The following CCNH variants were observed in gnomAD, a reference collection of about 807,000 sequenced individuals.
CCNH encodes the protein cyclin H, also known as cyclin-H.
Under a neutral mutation model 41.9 loss-of-function variants are expected in CCNH, and 31 were observed. The observed-to-expected ratio is 0.74, with a 90% confidence interval of 0.56 to 1.00. CCNH has a LOEUF of 1.00. CCNH is among the 50% of genes least tolerant of loss of function. CCNH has a pLI of 0.00. For missense variants in CCNH, 362 were observed against 388.4 expected (o/e 0.93, Z 0.57); for synonymous variants, 138 against 136.1 (o/e 1.01, Z -0.10).
In CCNH at chr5:87,356,003, G is replaced by C. The variant is rs575537605; in HGVS notation, c.*90+36767C>G. ...AACTGGAGCGAAAGAGGAGTTGCTT[G>C]TTACGGATGAGAAAAGAAAGTGGTC... On this transcript the variant is annotated intron_variant and NMD_transcript_variant, in intron 9 of 9. Transcript: ENST00000645953. 3.9e-5 allele frequency among the ~76,000 whole-genome samples: 6 copies of C among 152,336 alleles called. No individual in the cohort carries two copies. The East Asian group carries it at 7.7e-4, about 20-fold the overall frequency.
chr5:87,384,954 C>CATA (rs1289740638), intron 9 of CCNH, among the ~76,000 whole-genome samples: 2 of 151,974 alleles, frequency 1.3e-5, no homozygotes, highest in African/African-American at 4.8e-5. Context: ...TGTGAACTGT[C>CATA]ATAAAAGATG....
chr5:87,350,340 A>T (rs1759170624), intron 9 of CCNH, among the ~76,000 whole-genome samples: 1 of 151,804 alleles, frequency 6.6e-6, no homozygotes, highest in Admixed American at 6.6e-5. Context: ...CACTGAAAAT[A>T]CAGCTAGCTG....
chr5:87,384,826 GCAGAGGTCC>G (rs1176697315), intron 9 of CCNH, among the ~76,000 whole-genome samples: 1 of 152,040 alleles, frequency 6.6e-6, no homozygotes, highest in African/African-American at 2.4e-5. Flanking sequence ...TCAAAATAAA[GCAGAGGTCC>G]TAGACTTTAT....
rs1200398365 is a variant in CCNH, at chr5:87,359,361, G to A, written c.*90+33409C>T. On this transcript the variant is annotated intron_variant and NMD_transcript_variant, in intron 9 of 9. Coordinates refer to the CCNH transcript ENST00000645953. ...GAACTATCTCTCAGGCTGAGAAAAG[G>A]AACACGTAGAGAAGCCTTTCTCCTC... is the stretch of plus-strand genomic sequence containing the variant. Among the ~76,000 whole-genome samples, 3 of 152,146 alleles carry A rather than the reference G, an allele frequency of 2.0e-5. No individual in the cohort carries two copies. The East Asian group carries it at 5.8e-4, about 29-fold the overall frequency.
intron 9 of CCNH, among the ~76,000 whole-genome samples, chr5:87,357,738 T>C (rs1045304179): frequency 6.6e-6 from 1 of 152,118 alleles, no homozygotes; most frequent in African/African-American, 2.4e-5. Context: ...ATGTGGCATC[T>C]AATAAACTTG....
At chr5:87,319,181 G>GGCTGGCATTGAGTGCCTGCAACTTTT (rs1756582329) in intron 9 of CCNH, among the ~76,000 whole-genome samples, 1 of 152,206 alleles carries the variant, frequency 6.6e-6, no homozygotes, top group Non-Finnish European at 1.5e-5. Context: ...TGCTTTAATG[G>GGCTGGCATTGAGTGCCTGCAACTTTT]GCTGGCATTG....
chr5:87,404,495 C>T (rs924529902), intron 5 of CCNH, among the ~76,000 whole-genome samples: 4 of 152,130 alleles, frequency 2.6e-5, no homozygotes, highest in Admixed American at 6.5e-5. Context: ...TTAACTTCCG[C>T]GTGTCATACA....
intron 9 of CCNH, among the ~76,000 whole-genome samples, chr5:87,359,273 G>A (rs1329494583): frequency 1.3e-5 from 2 of 152,136 alleles, no homozygotes; most frequent in African/African-American, 2.4e-5. Context: ...TTGGTTCAAT[G>A]GCTGTTAGAC....
chr5:87,401,785 A>G lies in CCNH; in HGVS notation c.690-13T>C. Reference sequence around the variant, plus strand: ...CTCTGATAAATAACTAGTAAAGAAAAGAAAAAAAAATCTATTGAAAACATA... The same window carrying G: ...CTCTGATAAATAACTAGTAAAGAAAGGAAAAAAAAATCTATTGAAAACATA... On this transcript the variant is annotated splice_polypyrimidine_tract_variant and intron_variant, in intron 5 of 8. Coordinates refer to ENST00000256897, the MANE Select transcript of CCNH (RefSeq NM_001239.4). 6.6e-7 allele frequency: 1 copy of G among 1,508,828 alleles called. No homozygotes were observed. The highest frequency in any genetic ancestry group is 1.7e-4 in the Middle Eastern group (1 of 5,792). 93.5% of individuals were successfully genotyped at this position (1,508,828 alleles called of 1,614,324 possible).
At chr5:87,388,229 A>C (rs1762202981), downstream of CCNH, among the ~76,000 whole-genome samples, 1 of 152,162 alleles carries the variant, frequency 6.6e-6, no homozygotes, top group African/African-American at 2.4e-5. Context: ...TTAATCACTG[A>C]ATGTATTCTG....
downstream of CCNH, chr5:87,390,993 C>G (rs767426567): frequency 8.4e-5 from 91 of 1,086,954 alleles, no homozygotes; most frequent in Non-Finnish European, 1.2e-4. Flanking sequence ...TTTCCACATT[C>G]CAGTGATGTG....
At chr5:87,402,292 T>C (rs1217003194) in intron 5 of CCNH, among the ~76,000 whole-genome samples, 1 of 152,236 alleles carries the variant, frequency 6.6e-6, no homozygotes, top group Non-Finnish European at 1.5e-5. Flanking sequence ...TAATGCTTTA[T>C]AAATCTATTG....
intron 9 of CCNH, chr5:87,369,979 C>T (rs1003549600): frequency 3.9e-5 from 47 of 1,192,694 alleles, no homozygotes; most frequent in Admixed American, 2.0e-4. Context: ...AGAAAATGAT[C>T]GCATTCAAGA....
chr5:87,322,559 C>A (rs1756907747), intron 9 of CCNH, among the ~76,000 whole-genome samples: 1 of 152,144 alleles, frequency 6.6e-6, no homozygotes, highest in South Asian at 2.1e-4. Context: ...CTTGCTCTCT[C>A]TGGTCATGTG....
At chr5:87,331,381 A>G (rs1334010928) in intron 9 of CCNH, 2 of 1,612,654 alleles carry the variant, frequency 1.2e-6, no homozygotes, top group South Asian at 1.1e-5. Context: ...GAACGATAGC[A>G]GAAGAACGCC....
At chr5:87,336,958 A>T (rs933908824) in intron 9 of CCNH, among the ~76,000 whole-genome samples, 3 of 152,090 alleles carry the variant, frequency 2.0e-5, no homozygotes, top group African/African-American at 4.8e-5. Flanking sequence ...CCAAGATACA[A>T]TGAAGCTTGA....
chr5:87,399,881 C>T lies in CCNH; in HGVS notation c.761-376G>A, dbSNP rs371618231. 3.7e-4 allele frequency among the ~76,000 whole-genome samples: 57 copies of T among 152,240 alleles called. 1 individual carries two copies. The East Asian group carries it at 6.0e-3, about 16-fold the overall frequency. ...TATCACCAACCATCTTCGTAGTATT[C>T]TATTCCATAGACAGTGGGCCAAGCA... is the stretch of plus-strand genomic sequence containing the variant. On this transcript the variant is annotated intron_variant, in intron 6 of 8. Coordinates refer to ENST00000256897, the MANE Select transcript of CCNH (RefSeq NM_001239.4).
chr5:87,337,711 A>G (rs1758073452), intron 9 of CCNH, among the ~76,000 whole-genome samples: 1 of 152,090 alleles, frequency 6.6e-6, no homozygotes, highest in Non-Finnish European at 1.5e-5. Flanking sequence ...TGAATCTAAC[A>G]ATAATTCAGT....
At chr5:87,333,355 C>G in intron 9 of CCNH, 8 of 1,611,536 alleles carry the variant, frequency 5.0e-6, no homozygotes, top group Non-Finnish European at 6.8e-6. Flanking sequence ...ATAATCTATT[C>G]TCATGTATAG....
Sources: gnomAD v4.1 joint callset for allele counts (sites outside exome capture counted in the v4.1 genomes callset) on GRCh38, gnomAD v4.1.1 for gene constraint, MANE v1.5 for transcripts, NCBI Gene and HGNC (gene_info 2026-07-23, HGNC 2026-07-21) for gene names.